The following AR variants were observed in gnomAD, a reference collection of about 807,000 sequenced individuals.
AR encodes dihydrotestosterone receptor.
In AR, 8 loss-of-function variants were observed where a neutral mutation model predicts 53.9. That is an observed-to-expected ratio of 0.15 (90% CI 0.09 to 0.27). The LOEUF (loss-of-function observed/expected upper bound fraction) is 0.27, where lower values mean the gene tolerates loss of function less well. Among genes scored for constraint, AR ranks in the 10% least tolerant of loss-of-function variants. The probability of loss-of-function intolerance (pLI) is 1.00; values close to 1 mark genes in which losing one functional copy is unlikely to be tolerated. For synonymous variants in AR, 359 were observed against 316.4 expected (o/e 1.13, Z -1.43); for missense variants, 639 against 742.5 (o/e 0.86, Z 1.62).
At chrX:67,641,377 T>C (rs1022554396) in intron 1 of AR, among the ~76,000 whole-genome samples, 2 of 111,806 alleles carry the variant, frequency 1.8e-5, no homozygotes, top group Non-Finnish European at 3.8e-5. Context: ...ATTTGGACAG[T>C]TTGTGTTAGT....
intron 1 of AR, among the ~76,000 whole-genome samples, chrX:67,625,246 C>T (rs1035273599): frequency 5.4e-5 from 6 of 111,143 alleles, no homozygotes; most frequent in Admixed American, 9.6e-5. Context: ...AACCACAAAA[C>T]ACTGTGGAAA....
intron 1 of AR, among the ~76,000 whole-genome samples, chrX:67,577,436 C>T (rs1489800619): frequency 9.0e-6 from 1 of 111,181 alleles, no homozygotes; most frequent in African/African-American, 3.3e-5. Context: ...CTGCTATGAA[C>T]GTTCGTGTAC....
intron 1 of AR, among the ~76,000 whole-genome samples, chrX:67,602,302 A>G (rs372350578): frequency 2.7e-5 from 3 of 111,881 alleles, no homozygotes; most frequent in East Asian, 5.6e-4. Context: ...TCCTAGCTGC[A>G]CTAATCACTT....
At chrX:67,600,495 C>T (rs1055405520) in intron 1 of AR, among the ~76,000 whole-genome samples, 4 of 110,240 alleles carry the variant, frequency 3.6e-5, no homozygotes, top group Non-Finnish European at 7.6e-5. Flanking sequence ...AAAATCAAAA[C>T]AATTGAACTA....
At chrX:67,714,515 G>A (rs2076105366) in intron 4 of AR, among the ~76,000 whole-genome samples, 1 of 111,774 alleles carries the variant, frequency 8.9e-6, no homozygotes, top group Non-Finnish European at 1.9e-5. Flanking sequence ...TACTACAGCA[G>A]CAAAGATTTC....
chrX:67,662,272 A>G (rs1386389269), intron 2 of AR, among the ~76,000 whole-genome samples: 1 of 110,558 alleles, frequency 9.0e-6, no homozygotes, highest in East Asian at 2.8e-4. Context: ...TAGTTCTTTT[A>G]ATTGTGATGT....
At chrX:67,678,072 C>T (rs1363774426) in intron 2 of AR, among the ~76,000 whole-genome samples, 1 of 110,392 alleles carries the variant, frequency 9.1e-6, no homozygotes, top group African/African-American at 3.3e-5. Context: ...GTTTCTCAAT[C>T]TGTAAAATAG....
intron 1 of AR, among the ~76,000 whole-genome samples, chrX:67,629,781 A>G (rs1924958632): frequency 9.1e-6 from 1 of 110,378 alleles, no homozygotes; most frequent in Admixed American, 9.7e-5. Flanking sequence ...ATTTAGTGCT[A>G]TAAATTTCCC....
At chrX:67,620,126 A>G (rs191385235) in intron 1 of AR, among the ~76,000 whole-genome samples, 4 of 110,932 alleles carry the variant, frequency 3.6e-5, no homozygotes, top group Admixed American at 9.7e-5. Context: ...GTCTGCTTAC[A>G]TGATGCTATC....
intron 1 of AR, among the ~76,000 whole-genome samples, chrX:67,556,431 A>G (rs1301575065): frequency 1.8e-5 from 2 of 111,794 alleles, no homozygotes; most frequent in Non-Finnish European, 3.8e-5. Flanking sequence ...CATCCACCAG[A>G]CTGATGGATT....
At chrX:67,619,241 T>G (rs1924257147) in intron 1 of AR, among the ~76,000 whole-genome samples, 1 of 111,349 alleles carries the variant, frequency 9.0e-6, no homozygotes, top group African/African-American at 3.3e-5. Flanking sequence ...CTGTGTAATT[T>G]ATGGACTGGA....
intron 1 of AR, among the ~76,000 whole-genome samples, chrX:67,572,909 G>A (rs112317151): frequency 4.0e-4 from 45 of 111,490 alleles, no homozygotes; most frequent in South Asian, 1.9e-3. Flanking sequence ...AAATTATTGC[G>A]TACATGTAAA....
chrX:67,701,597 G>A (rs747938600), intron 3 of AR, among the ~76,000 whole-genome samples: 7 of 111,392 alleles, frequency 6.3e-5, no homozygotes, highest in Admixed American at 5.7e-4. Flanking sequence ...GTGTATGCAC[G>A]CTTGCAGACA....
chrX:67,643,507 T>C (rs979044819), intron 2 of AR, 100 bp downstream of exon 2: 8 of 1,076,502 alleles, frequency 7.4e-6, no homozygotes, highest in Admixed American at 2.7e-5. Flanking sequence ...ATCTCAGAAA[T>C]AGAGTCATTG....
At position 67,695,030 on chromosome X, in the gene AR, T is replaced by C. The variant is rs752810211; in HGVS notation, c.1885+8904T>C. 53 of 855,265 alleles carry C rather than the reference T, an allele frequency of 6.2e-5. No individual in the cohort carries two copies. In the Admixed American group the frequency reaches 1.2e-3, roughly 19 times the overall value. 70.5% of individuals were successfully genotyped at this position (855,265 alleles called of 1,213,427 possible). On this transcript the variant is annotated intron_variant, in intron 3 of 7. Coordinates refer to ENST00000374690, the MANE Select transcript of AR (RefSeq NM_000044.6). ...TTGGCATTGGCAAAGTGCTTTTTGATTGTTCTTGATCACATATGATGGGGG... is the reference window on the plus strand; with the variant it reads ...TTGGCATTGGCAAAGTGCTTTTTGACTGTTCTTGATCACATATGATGGGGG...
chrX:67,682,116 A>G (rs959563786), intron 2 of AR, among the ~76,000 whole-genome samples: 1 of 111,641 alleles, frequency 9.0e-6, no homozygotes, highest in Non-Finnish European at 1.9e-5. Flanking sequence ...CACAGCTAAC[A>G]TTATATTCAA....
At position 67,664,816 on chromosome X, in the gene AR, C is replaced by T. The variant is rs771982002; in HGVS notation, c.1769-21194C>T. Among the ~76,000 whole-genome samples, 7 of 112,475 alleles carry T rather than the reference C, an allele frequency of 6.2e-5. No homozygotes were observed. In the East Asian group the frequency reaches 8.5e-4, roughly 14 times the overall value. The stretch of plus-strand genomic sequence containing the variant: ...TTACCTACTCAAGCTTCAGCAATGG[C>T]GGGCACCCCTCCCCCAGCCTCGCTG... On this transcript the variant is annotated intron_variant, in intron 2 of 7. Coordinates refer to ENST00000374690, the MANE Select transcript of AR (RefSeq NM_000044.6).
intron 4 of AR, among the ~76,000 whole-genome samples, chrX:67,715,772 G>A (rs1438015863): frequency 6.2e-5 from 7 of 112,335 alleles, no homozygotes; most frequent in Non-Finnish European, 1.9e-5. Flanking sequence ...TATTGTGAGA[G>A]TTAAATTAGG....
chrX:67,721,508 T>G (rs2076135533), intron 5 of AR, among the ~76,000 whole-genome samples: 1 of 111,492 alleles, frequency 9.0e-6, no homozygotes, highest in Admixed American at 9.5e-5. Context: ...TCCCCCATTG[T>G]GTTCATTTGG....
Sources: allele counts gnomAD v4.1 joint callset (sites outside exome capture counted in the v4.1 genomes callset), GRCh38; gene constraint gnomAD v4.1.1; transcripts MANE v1.5; gene names NCBI Gene and HGNC (gene_info 2026-07-23, HGNC 2026-07-21).